Variants in PRKN observed in about 807,000 individuals in gnomAD.
PRKN encodes the protein parkin RBR E3 ubiquitin protein ligase.
Under a neutral mutation model 59.5 loss-of-function variants are expected in PRKN, and 56 were observed. The observed-to-expected ratio is 0.94, with a 90% confidence interval of 0.76 to 1.18. PRKN has a LOEUF of 1.18. Ranked by LOEUF, PRKN falls within the 50% of genes most tolerant of loss-of-function variation. PRKN has a pLI of 0.00. For missense variants in PRKN, 657 were observed against 596.4 expected, an observed-to-expected ratio of 1.10 and a Z score of -1.06; for synonymous variants, 250 against 222.1, an observed-to-expected ratio of 1.13 and a Z score of -1.12.
In PRKN at chr6:161,499,534, T is replaced by C. The variant is rs999157976; in HGVS notation, c.1083+49320A>G. ...GGAATGTGGGACCTCTCTTCTAGCC[T>C]CTTGCATCTACCTCTATGGTTTGAC... On this transcript the variant is annotated intron_variant, in intron 9 of 11. Coordinates refer to ENST00000366898, the MANE Select transcript of PRKN (RefSeq NM_004562.3). The surrounding 1 kb of genome is among the most constrained non-coding windows in gnomAD (Gnocchi z 4.2). 1.3e-5 allele frequency among the ~76,000 whole-genome samples: 2 copies of C among 152,300 alleles called. No homozygotes were observed. The highest frequency in any genetic ancestry group is 1.3e-4 in the Admixed American group (2 of 15,290).
intron 2 of PRKN, among the ~76,000 whole-genome samples, chr6:162,324,182 T>A (rs1213836001): frequency 6.6e-6 from 1 of 151,866 alleles, no homozygotes; most frequent in African/African-American, 2.4e-5. Flanking sequence ...CAGGCCAGAG[T>A]AAGGAGTGCA....
chr6:161,570,654 T>C (rs1780853436), intron 7 of PRKN, among the ~76,000 whole-genome samples: 1 of 152,180 alleles, frequency 6.6e-6, no homozygotes, highest in Non-Finnish European at 1.5e-5. Context: ...TTTAAGAATA[T>C]AGTATATAAT....
At chr6:161,830,542 G>A (rs112712428) in intron 6 of PRKN, among the ~76,000 whole-genome samples, 11 of 152,024 alleles carry the variant, frequency 7.2e-5, no homozygotes, top group African/African-American at 1.7e-4. Flanking sequence ...GTGAGCCCCC[G>A]CACCCGGCCC....
At chr6:161,839,440 C>T (rs1012628413) in intron 6 of PRKN, among the ~76,000 whole-genome samples, 4 of 152,084 alleles carry the variant, frequency 2.6e-5, no homozygotes, top group Non-Finnish European at 5.9e-5. Context: ...ACCACCCTGA[C>T]GTTCAGGGTG....
intron 1 of PRKN, among the ~76,000 whole-genome samples, chr6:162,659,888 T>C (rs527440080): frequency 2.0e-5 from 3 of 152,208 alleles, no homozygotes; most frequent in Non-Finnish European, 2.9e-5. Flanking sequence ...TTGGACAGAG[T>C]ATATTTATCA....
chr6:162,727,283 A>AGGGGCGACGGTGAGGGGCGGCGGC lies in PRKN; in HGVS notation c.7+378_7+379insGCCGCCGCCCCTCACCGTCGCCCC. 5 of 266,090 alleles carry AGGGGCGACGGTGAGGGGCGGCGGC rather than the reference A, an allele frequency of 1.9e-5. No homozygotes were observed. In the East Asian group the frequency reaches 4.6e-4, roughly 25 times the overall value. The allele number at this position is 266,090 out of a possible 1,614,324, so 16.5% of individuals were successfully genotyped here. A position where few individuals can be genotyped will look rare whatever the true frequency, so the allele number is the denominator to read the frequency against. On this transcript the variant is annotated intron_variant, in intron 1 of 11. Coordinates refer to ENST00000366898, the MANE Select transcript of PRKN (RefSeq NM_004562.3). ...CGCACCACAACCGGCCAGTGAGGTG[A>AGGGGCGACGGTGAGGGGCGGCGGC]GGGGCGAAGGTGAGGGGCGGCGGCG...
At chr6:161,383,299 T>A (rs764922804) in intron 10 of PRKN, among the ~76,000 whole-genome samples, 2 of 152,246 alleles carry the variant, frequency 1.3e-5, no homozygotes, top group Non-Finnish European at 2.9e-5. Flanking sequence ...GCTTGTTTGG[T>A]TCGTGCCTTC....
At chr6:161,520,392 T>A (rs966465735) in intron 9 of PRKN, among the ~76,000 whole-genome samples, 6 of 151,774 alleles carry the variant, frequency 4.0e-5, no homozygotes, top group Non-Finnish European at 5.9e-5. Context: ...GCCCGGCTAA[T>A]TTTTTTTGTA....
intron 1 of PRKN, among the ~76,000 whole-genome samples, chr6:162,445,579 C>T (rs1790269988): frequency 6.6e-6 from 1 of 151,238 alleles, no homozygotes; most frequent in Non-Finnish European, 1.5e-5. Context: ...GCAGTCCCAG[C>T]TACTCTGGAG....
At position 161,548,795 on chromosome 6, in the gene PRKN, A is replaced by C; in HGVS notation, c.1083+59T>G. On this transcript the variant is annotated intron_variant, in intron 9 of 11. Transcript: ENST00000366898. This position sits in a 1 kb window ranked among gnomAD's most constrained non-coding sequence, Gnocchi z 4.2. ...TAAAATAAAAATATAATCCCAGCCC[A>C]TGTGCAAAAGCAAACAAGGACAGGA... 6.8e-7 allele frequency: 1 copy of C among 1,465,686 alleles called. No individual in the cohort carries two copies. The highest frequency in any genetic ancestry group is 9.5e-7 in the Non-Finnish European group (1 of 1,050,012). 90.8% of individuals were successfully genotyped at this position (1,465,686 alleles called of 1,614,324 possible). A position where few individuals can be genotyped will look rare whatever the true frequency, so the allele number is the denominator to read the frequency against.
intron 2 of PRKN, among the ~76,000 whole-genome samples, chr6:162,400,060 A>T (rs2128149029): frequency 6.6e-6 from 1 of 152,230 alleles, no homozygotes; most frequent in Non-Finnish European, 1.5e-5. Context: ...TACAAAAATT[A>T]GCTGGGCATG....
intron 5 of PRKN, among the ~76,000 whole-genome samples, chr6:162,017,069 T>A (rs539857491): frequency 3.3e-5 from 5 of 152,354 alleles, no homozygotes; most frequent in African/African-American, 1.2e-4. Flanking sequence ...ATATCTAAGA[T>A]CATAGCATGT....
intron 9 of PRKN, among the ~76,000 whole-genome samples, chr6:161,387,650 A>G (rs1786319514): frequency 6.6e-6 from 1 of 152,232 alleles, no homozygotes. Context: ...GCATTCACAG[A>G]AGATTTATAT....
intron 7 of PRKN, among the ~76,000 whole-genome samples, chr6:161,754,362 C>T (rs1484909809): frequency 1.3e-5 from 2 of 151,926 alleles, no homozygotes; most frequent in Non-Finnish European, 2.9e-5. Context: ...AAGGGGTTTC[C>T]TTGAGAGACG....
rs1345527813 is a variant in PRKN, at chr6:161,530,664, TACC to T, written c.1083+18187_1083+18189del. The stretch of plus-strand genomic sequence containing the variant: ...CCAAGTAGCTGGGATTACAGGCATT[TACC>T]ACCACGCCTGGCTAATTTTTTTCTA... On this transcript the variant is annotated intron_variant, in intron 9 of 11. Transcript: ENST00000366898. This position sits in a 1 kb window ranked among gnomAD's most constrained non-coding sequence, Gnocchi z 5.0. 6.6e-6 allele frequency among the ~76,000 whole-genome samples: 1 copy of T among 152,000 alleles called. No homozygotes were observed. The highest frequency in any genetic ancestry group is 6.6e-5 in the Admixed American group (1 of 15,262).
intron 2 of PRKN, among the ~76,000 whole-genome samples, chr6:162,420,599 A>G (rs1788911671): frequency 6.6e-6 from 1 of 152,178 alleles, no homozygotes; most frequent in African/African-American, 2.4e-5. Context: ...AGATTCGGAT[A>G]CAGACAGCCC....
intron 4 of PRKN, among the ~76,000 whole-genome samples, chr6:162,087,984 TGA>T (rs1179350839): frequency 3.9e-5 from 6 of 152,074 alleles, no homozygotes; most frequent in Admixed American, 1.3e-4. Context: ...TCCTCTGGCT[TGA>T]GAGAGAGTCA....
At chr6:161,946,269 T>C (rs890676713) in intron 6 of PRKN, among the ~76,000 whole-genome samples, 29 of 152,168 alleles carry the variant, frequency 1.9e-4, no homozygotes, top group Non-Finnish European at 2.9e-5. Flanking sequence ...TGCCTCTGGA[T>C]GTGTTTTTAA....
intron 1 of PRKN, among the ~76,000 whole-genome samples, chr6:162,471,093 CATTTTTATTTA>C (rs1238831841): frequency 5.8e-5 from 4 of 69,232 alleles, no homozygotes; most frequent in Non-Finnish European, 9.8e-5. Context: ...TATTTATTTT[CATTTTTATTTA>C]TTTATTTATT....
Sources: gnomAD v4.1 joint callset for allele counts (sites outside exome capture counted in the v4.1 genomes callset) on GRCh38, gnomAD v4.1.1 for gene constraint, Gnocchi (gnomAD v3.1) non-coding constraint, MANE v1.5 for transcripts, NCBI Gene and HGNC (gene_info 2026-07-23, HGNC 2026-07-21) for gene names.